Variants in MAP7D3 observed in about 807,000 individuals in gnomAD.
MAP7D3 encodes MAP7 domain-containing protein 3.
Under a neutral mutation model 62.2 loss-of-function variants are expected in MAP7D3, and 45 were observed. The observed-to-expected ratio is 0.72, with a 90% CI of 0.57 to 0.93. MAP7D3 has a LOEUF of 0.93. Among genes scored for constraint, MAP7D3 ranks in the 40% least tolerant of loss-of-function variants. The pLI, the probability that MAP7D3 is intolerant of heterozygous loss-of-function variation, is 0.00. For missense variants in MAP7D3, 711 were observed against 683.1 expected (o/e 1.04, Z -0.45); for synonymous variants, 288 against 248.8 (o/e 1.16, Z -1.48).
chrX:136,215,754 G>C (rs752860863), downstream of MAP7D3, among the ~76,000 whole-genome samples: 134 of 112,005 alleles, frequency 1.2e-3, no homozygotes, highest in African/African-American at 4.1e-3. Context: ...CTCACAGGCA[G>C]ATCAGAACAT....
chrX:136,255,916 T>C (rs2074549102), upstream of MAP7D3: 1 of 220,333 alleles, frequency 4.5e-6, no homozygotes, highest in Non-Finnish European at 6.6e-6. Flanking sequence ...GCCACATTTG[T>C]TTCTATTAAA....
At position 136,251,300 on chromosome X, in the gene MAP7D3, C is replaced by A; in HGVS notation, c.59G>T (p.Arg20Leu). The A allele has an allele frequency of 1.8e-6, 2 of 1,132,425 alleles. No individual in the cohort carries two copies. The highest frequency in any genetic ancestry group is 7.2e-5 in the East Asian group (2 of 27,864). 93.3% of individuals were successfully genotyped at this position (1,132,425 alleles called of 1,213,427 possible). The change falls in exon 1 of 19, where the codon CGG becomes CTG. Residue 20 changes from arginine to leucine, a missense_variant. Physicochemically the swap from Arg to Leu is moderately radical, Grantham distance 102. Transcript: ENST00000316077. ...AGGSPSLREL[R>L]ARMVAAANEI... ...ACCCGCCCGCTCACCCATCCGTGCC[C>A]GCAGCTCTCTCAAGGATGGGCTGCC... is the stretch of plus-strand genomic sequence containing the variant.
chrX:136,231,575 G>A lies in MAP7D3; in HGVS notation c.1382C>T (p.Ser461Phe), dbSNP rs776582603. The A allele has an allele frequency of 8.3e-7, 1 of 1,208,452 alleles. No homozygotes were observed. The highest frequency in any genetic ancestry group is 1.1e-6 in the Non-Finnish European group (1 of 894,248). The change falls in exon 8 of 19, where the codon TCT becomes TTT. Residue 461 changes from serine (S) to phenylalanine (F), a missense_variant. Transcript: ENST00000316077. ...KTSLEASMEA[S>F]PKAKARDAPK... The stretch of plus-strand genomic sequence containing the variant: ...AGCGTCTCTCGCTTTTGCCTTGGGA[G>A]ATGCTTCCATGCTTGCTTCAAGGGA...
At chrX:136,251,916 A>G (rs182965091), upstream of MAP7D3, among the ~76,000 whole-genome samples, 3 of 111,873 alleles carry the variant, frequency 2.7e-5, no homozygotes, top group African/African-American at 9.7e-5. Context: ...ACAATAAATC[A>G]TGACACATAG....
Position 136,241,102 on chromosome X carries a change from A to G in MAP7D3, c.535+58T>C, listed in dbSNP as rs1466219992. The G allele has an allele frequency of 1.1e-5, 7 of 663,876 alleles. No homozygotes were observed. In the Admixed American group the frequency reaches 1.8e-4, roughly 17 times the overall value. The allele number at this position is 663,876 out of a possible 1,213,427, so 54.7% of individuals were successfully genotyped here. The stretch of plus-strand genomic sequence containing the variant: ...GCTGTAAATGCAAGCTTCTACTCAT[A>G]GCCAATATTTAAACAAGAACATAAA... On this transcript the variant is annotated intron_variant, in intron 5 of 18. Coordinates refer to ENST00000316077, the MANE Select transcript of MAP7D3 (RefSeq NM_024597.4).
chrX:136,251,247 A>T, intron 1 of MAP7D3, 42 bp downstream of exon 1: 1 of 1,087,915 alleles, frequency 9.2e-7, no homozygotes, highest in Non-Finnish European at 1.2e-6. Context: ...CCTGCCTCCC[A>T]CGCGGGCCCG....
downstream of MAP7D3, chrX:136,216,663 T>A (rs570966650): frequency 7.2e-5 from 8 of 111,493 alleles, no homozygotes; most frequent in South Asian, 3.0e-3. Flanking sequence ...CTCTGCCAAA[T>A]CACCAACTGG....
intron 3 of MAP7D3, among the ~76,000 whole-genome samples, chrX:136,245,037 C>T (rs781036216): frequency 9.8e-5 from 11 of 112,319 alleles, no homozygotes; most frequent in South Asian, 3.7e-4. Flanking sequence ...TGACTCTCAT[C>T]CTGTCCAAAC....
At chrX:136,226,887 G>C (rs774300942) in intron 12 of MAP7D3, among the ~76,000 whole-genome samples, 4 of 111,549 alleles carry the variant, frequency 3.6e-5, no homozygotes, top group South Asian at 7.5e-4. Context: ...CTAGCACTTT[G>C]GGAAGCTGAG....
In MAP7D3 at chrX:136,251,365, C is replaced by T. The variant is rs991397308; in HGVS notation, c.-7G>A. The T allele has an allele frequency of 6.4e-6, 7 of 1,091,056 alleles. No homozygotes were observed. Among genetic ancestry groups the T allele is most frequent in the Non-Finnish European group, 6.0e-6 (5 of 838,367 alleles). 89.9% of individuals were successfully genotyped at this position (1,091,056 alleles called of 1,213,427 possible). On this transcript the variant is annotated 5_prime_UTR_variant, in exon 1 of 19. Coordinates refer to ENST00000316077, the MANE Select transcript of MAP7D3 (RefSeq NM_024597.4). ...CGGCGCCGTCCGCCATCATCGGAGT[C>T]GGGACCGGAGGCGGTGGTGGCTCTC... is the stretch of plus-strand genomic sequence containing the variant.
chrX:136,247,244 G>T (rs2074457639), intron 1 of MAP7D3, among the ~76,000 whole-genome samples: 1 of 111,968 alleles, frequency 8.9e-6, no homozygotes, highest in South Asian at 3.7e-4. Context: ...TTATTATAGG[G>T]GAATCCCTGA....
chrX:136,250,996 G>A (rs1304222134), intron 1 of MAP7D3, among the ~76,000 whole-genome samples: 10 of 111,980 alleles, frequency 8.9e-5, no homozygotes, highest in Non-Finnish European at 1.9e-4. Flanking sequence ...CAGAGCCCGT[G>A]AGTTGCCTCG....
chrX:136,239,671 C>G (rs1569532184), intron 6 of MAP7D3, among the ~76,000 whole-genome samples: 1 of 111,947 alleles, frequency 8.9e-6, no homozygotes, highest in Non-Finnish European at 1.9e-5. Flanking sequence ...TATATATATG[C>G]TATTATTTTT....
chrX:136,216,234 T>A (rs1427317694), downstream of MAP7D3, among the ~76,000 whole-genome samples: 4 of 106,672 alleles, frequency 3.7e-5, no homozygotes, highest in African/African-American at 1.4e-4. Flanking sequence ...GCTTGAAAAC[T>A]CACATCTAGG....
In MAP7D3 at chrX:136,251,353, C is replaced by A; in HGVS notation, c.6G>T (p.Met2Ile). The A allele has an allele frequency of 8.9e-7, 1 of 1,122,966 alleles. No homozygotes were observed. Among genetic ancestry groups the A allele is most frequent in the East Asian group, 3.7e-5 (1 of 26,991 alleles). The allele number at this position is 1,122,966 out of a possible 1,213,427, so 92.5% of individuals were successfully genotyped here. Reference sequence around the variant, plus strand: ...CAGCGCCAGCTGCGGCGCCGTCCGCCATCATCGGAGTCGGGACCGGAGGCG... The same window carrying A: ...CAGCGCCAGCTGCGGCGCCGTCCGCAATCATCGGAGTCGGGACCGGAGGCG... Reference protein sequence around the residue: MMADGAAAGAGG... With the variant: MIADGAAAGAGG... The change falls in exon 1 of 19, where the codon ATG (methionine) becomes ATT (isoleucine). Residue 2 changes from methionine to isoleucine, a missense_variant. Met to Ile is a conservative substitution (Grantham distance 10, BLOSUM62 1). Coordinates refer to ENST00000316077, the MANE Select transcript of MAP7D3 (RefSeq NM_024597.4).
intron 3 of MAP7D3, among the ~76,000 whole-genome samples, chrX:136,245,701 C>A (rs183084468): frequency 9.1e-6 from 1 of 110,100 alleles, no homozygotes; most frequent in African/African-American, 3.3e-5. Flanking sequence ...GAGCTGAGAT[C>A]GCGCCACTGA....
rs146462964 is a variant in MAP7D3 at position 136,232,418 on chromosome X, G to A, written c.737-198C>T. On this transcript the variant is annotated intron_variant, in intron 7 of 18. Coordinates refer to ENST00000316077, the MANE Select transcript of MAP7D3 (RefSeq NM_024597.4). ...AGAACTATCACAAAGTCACTACTTC[G>A]GAAGCAACATTAACAACAGTCGTTG... Among the ~76,000 whole-genome samples the A allele has an allele frequency of 1.0e-3, 112 of 112,161 alleles. No individual in the cohort carries two copies. In the East Asian group the frequency reaches 0.021, roughly 21 times the overall value.
Position 136,247,767 on chromosome X carries a change from T to C in MAP7D3, c.71-1426A>G, listed in dbSNP as rs773547875. Among the ~76,000 whole-genome samples, 3 of 111,682 alleles carry C rather than the reference T, an allele frequency of 2.7e-5. No homozygotes were observed. The South Asian group carries it at 1.1e-3, about 42-fold the overall frequency. ...TATATTAACAAAAATTCTTGGTCTA[T>C]AGACACTCCTATATACCCACTTGCA... On this transcript the variant is annotated intron_variant, in intron 1 of 18. Transcript: ENST00000316077.
intron 6 of MAP7D3, among the ~76,000 whole-genome samples, chrX:136,239,063 T>G (rs745584060): frequency 5.4e-5 from 6 of 111,955 alleles, no homozygotes; most frequent in Non-Finnish European, 1.1e-4. Context: ...CTGGCTAAGT[T>G]TAAGGGAATG....
Sources: allele counts gnomAD v4.1 joint callset (sites outside exome capture counted in the v4.1 genomes callset), GRCh38; gene constraint gnomAD v4.1.1; transcripts MANE v1.5; gene names NCBI Gene and HGNC (gene_info 2026-07-23, HGNC 2026-07-21).